The following DVL3 variants were observed in gnomAD, a reference collection of about 807,000 sequenced individuals.
DVL3 encodes dishevelled segment polarity protein 3.
A neutral mutation model predicts 67.4 loss-of-function variants in DVL3; 27 were observed. That is an observed-to-expected ratio of 0.40 (90% CI 0.30 to 0.55). The LOEUF is 0.55. DVL3 is among the 20% of genes least tolerant of loss of function. The probability of loss-of-function intolerance (pLI) is 0.46; values close to 1 mark genes in which losing one functional copy is unlikely to be tolerated. For synonymous variants in DVL3, 369 were observed against 396.8 expected (o/e 0.93, Z 0.83); for missense variants, 819 against 1,021.5 (o/e 0.80, Z 2.70).
rs762740960 is a variant in DVL3, at chr3:184,164,943, G to A, written c.599+12G>A. 3.1e-6 allele frequency: 5 copies of A among 1,613,984 alleles called. No homozygotes were observed. The East Asian group carries it at 6.7e-5, about 22-fold the overall frequency. ...GACTCCACCAGCAGGTGGGGCTTGAGTTTCATGGGTATTGTGGGGCAGGTG... is the reference window on the plus strand; with the variant it reads ...GACTCCACCAGCAGGTGGGGCTTGAATTTCATGGGTATTGTGGGGCAGGTG... On this transcript the variant is annotated intron_variant, in intron 5 of 14. Transcript: ENST00000313143. The surrounding 1 kb of genome is among the most constrained non-coding windows in gnomAD (Gnocchi z 5.3).
chr3:184,172,576 A>G lies in DVL3; in HGVS notation c.*1821A>G, dbSNP rs914856800. ...TAGCAAAACCCTGTCTCTACTAAAA[A>G]TACAAAAATTAGATGGGTGTTTTGG... On this transcript the variant is annotated 3_prime_UTR_variant, in exon 15 of 15. Coordinates refer to ENST00000313143, the MANE Select transcript of DVL3 (RefSeq NM_004423.4). 1.3e-5 allele frequency: 2 copies of G among 152,180 alleles called. No individual in the cohort carries two copies. The highest frequency in any genetic ancestry group is 2.4e-5 in the African/African-American group (1 of 41,430). 9.4% of individuals were successfully genotyped at this position (152,180 alleles called of 1,614,324 possible). A position where few individuals can be genotyped will look rare whatever the true frequency, so the allele number is the denominator to read the frequency against.
In DVL3 at chr3:184,164,407, T is replaced by C. The variant is rs754780569; in HGVS notation, c.353+19T>C. The C allele has an allele frequency of 5.0e-5, 80 of 1,610,922 alleles. No homozygotes were observed. The highest frequency in any genetic ancestry group is 6.3e-5 in the Non-Finnish European group (74 of 1,178,514). The stretch of plus-strand genomic sequence containing the variant: ...CCTTCCAGTGAGTGTGACCTGAGGG[T>C]GGGGAGGGCCGCATCAGTTCAGCCC... On this transcript the variant is annotated intron_variant, in intron 3 of 14. Transcript: ENST00000313143. This position sits in a 1 kb window ranked among gnomAD's most constrained non-coding sequence, Gnocchi z 5.3.
rs1424033064 is a variant in DVL3, at chr3:184,165,327, T to C, written c.694-95T>C. 2 of 1,544,464 alleles carry C rather than the reference T, an allele frequency of 1.3e-6. No homozygotes were observed. The highest frequency in any genetic ancestry group is 1.8e-6 in the Non-Finnish European group (2 of 1,126,172). On this transcript the variant is annotated intron_variant, in intron 6 of 14. Transcript: ENST00000313143. This position sits in a 1 kb window ranked among gnomAD's most constrained non-coding sequence, Gnocchi z 4.1. ...AGTGCAGTGTTGAGAACCTTGGGGC[T>C]GGGGGCTGCACCGGGGACTCACCTT...
chr3:184,170,073 C>T lies in DVL3; in HGVS notation c.1566C>T (p.Ala522=), dbSNP rs139681555. Residue 522 remains alanine, a synonymous_variant, in exon 14 of 15, where the codon GCC becomes GCT. Coordinates refer to ENST00000313143, the MANE Select transcript of DVL3 (RefSeq NM_004423.4). The surrounding 1 kb of genome is among the most constrained non-coding windows in gnomAD (Gnocchi z 6.5). ...SSGASDQDTL[A]PLPHPGAAPW... ...GCGCCTCTGACCAGGACACACTGGC[C>T]CCTTTGCCGCACCCGGGGGCCGCCC... 2 of 1,613,832 alleles carry T rather than the reference C, an allele frequency of 1.2e-6. No homozygotes were observed. Among genetic ancestry groups the T allele is most frequent in the African/African-American group, 2.7e-5 (2 of 74,926 alleles).
rs969610181 is a variant in DVL3, at chr3:184,167,569, C to T, written c.1199-11C>T. On this transcript the variant is annotated splice_polypyrimidine_tract_variant and intron_variant, in intron 11 of 14. Coordinates refer to ENST00000313143, the MANE Select transcript of DVL3 (RefSeq NM_004423.4). The surrounding 1 kb of genome is among the most constrained non-coding windows in gnomAD (Gnocchi z 4.6). ...CCCTTTCTGCCTCACCATTCTGCCT[C>T]CCACCCCCAGGCCTAGACGACTTCC... The T allele has an allele frequency of 1.9e-6, 3 of 1,612,578 alleles. No homozygotes were observed. Among genetic ancestry groups the T allele is most frequent in the East Asian group, 2.2e-5 (1 of 44,876 alleles).
Position 184,166,558 on chromosome 3 carries a change from G to A in DVL3, c.980+36G>A. On this transcript the variant is annotated intron_variant, in intron 9 of 14. Coordinates refer to ENST00000313143, the MANE Select transcript of DVL3 (RefSeq NM_004423.4). The surrounding 1 kb of genome is among the most constrained non-coding windows in gnomAD (Gnocchi z 6.7). ...AATGGGGCACTGGGCAAGGGGCTTG[G>A]TCTGGCCTATACGCATCCTGCCTTC... 1 of 1,614,160 alleles carries A rather than the reference G, an allele frequency of 6.2e-7. No homozygotes were observed. Among genetic ancestry groups the A allele is most frequent in the Non-Finnish European group, 8.5e-7 (1 of 1,180,018 alleles).
chr3:184,170,040 C>T lies in DVL3; in HGVS notation c.1533C>T (p.Gly511=), dbSNP rs758649468. ...MANLSLHDHD[G]SSGASDQDTL... The stretch of plus-strand genomic sequence containing the variant: ...ACCTGTCTCTCCACGATCACGATGG[C>T]TCCAGTGGCGCCTCTGACCAGGACA... Residue 511 remains glycine (G), a synonymous_variant, in exon 14 of 15, where the codon GGC becomes GGT. Coordinates refer to ENST00000313143, the MANE Select transcript of DVL3 (RefSeq NM_004423.4). The surrounding 1 kb of genome is among the most constrained non-coding windows in gnomAD (Gnocchi z 6.5). 1.9e-6 allele frequency: 3 copies of T among 1,612,678 alleles called. No homozygotes were observed. The Admixed American group carries it at 5.0e-5, about 27-fold the overall frequency.
chr3:184,171,570 A>C lies in DVL3; in HGVS notation c.*815A>C, dbSNP rs992901565. 4.0e-5 allele frequency: 39 copies of C among 985,992 alleles called. No individual in the cohort carries two copies. The African/African-American group carries it at 6.8e-4, about 17-fold the overall frequency. 61.1% of individuals were successfully genotyped at this position (985,992 alleles called of 1,614,324 possible). On this transcript the variant is annotated 3_prime_UTR_variant, in exon 15 of 15. Transcript: ENST00000313143. ...ATTTACCCTGGGCCTGGAGCAGCCA[A>C]GAATTTCGGGCTGTTTGACTTTCTG...
Position 184,170,782 on chromosome 3 carries a change from C to G in DVL3, c.*27C>G. 6.2e-7 allele frequency: 1 copy of G among 1,610,810 alleles called. No individual in the cohort carries two copies. The highest frequency in any genetic ancestry group is 8.5e-7 in the Non-Finnish European group (1 of 1,179,002). ...CAGGGCCCCTCCCCCAGCTCCATTCCGCTCCCACCCCAGCCGGCTGCGTTC... is the reference window on the plus strand; with the variant it reads ...CAGGGCCCCTCCCCCAGCTCCATTCGGCTCCCACCCCAGCCGGCTGCGTTC... On this transcript the variant is annotated 3_prime_UTR_variant, in exon 15 of 15. Transcript: ENST00000313143. The surrounding 1 kb of genome is among the most constrained non-coding windows in gnomAD (Gnocchi z 6.5).
chr3:184,169,469 CAG>C (rs1001951308), intron 13 of DVL3, among the ~76,000 whole-genome samples: 9 of 152,060 alleles, frequency 5.9e-5, no homozygotes, highest in African/African-American at 2.2e-4. Context: ...CTGAGGCGGG[CAG>C]ACCACCTGAG....
intron 1 of DVL3, chr3:184,156,506 C>T: frequency 2.2e-6 from 1 of 456,546 alleles, no homozygotes; most frequent in South Asian, 1.5e-5. Context: ...AGTGGAGAGA[C>T]GTTAGGAAGG....
Position 184,166,680 on chromosome 3 carries a change from G to C in DVL3, c.1048+7G>C. On this transcript the variant is annotated splice_region_variant and intron_variant, in intron 10 of 14. Transcript: ENST00000313143. The surrounding 1 kb of genome is among the most constrained non-coding windows in gnomAD (Gnocchi z 6.7). ...TGCTTCACATTGCCCAGGAGTAAGT[G>C]GATGGGAGACTCAGTCCTAAAGCTG... is the stretch of plus-strand genomic sequence containing the variant. 1.2e-6 allele frequency: 2 copies of C among 1,613,886 alleles called. No individual in the cohort carries two copies. The highest frequency in any genetic ancestry group is 3.3e-5 in the Admixed American group (2 of 59,956).
In DVL3 at chr3:184,164,749, C is replaced by T. The variant is rs761745883; in HGVS notation, c.464-47C>T. On this transcript the variant is annotated intron_variant, in intron 4 of 14. Coordinates refer to ENST00000313143, the MANE Select transcript of DVL3 (RefSeq NM_004423.4). The surrounding 1 kb of genome is among the most constrained non-coding windows in gnomAD (Gnocchi z 5.3). ...TGGCTTGCCTCTCTCCCTCCTTCAC[C>T]CCTGCACTGGGCACTGTGTAAACCC... The T allele has an allele frequency of 6.2e-7, 1 of 1,613,332 alleles. No individual in the cohort carries two copies. Among genetic ancestry groups the T allele is most frequent in the South Asian group, 1.1e-5 (1 of 90,952 alleles).
intron 1 of DVL3, among the ~76,000 whole-genome samples, chr3:184,158,202 G>T (rs915846902): frequency 3.3e-5 from 5 of 152,082 alleles, no homozygotes; most frequent in African/African-American, 1.2e-4. Context: ...CAGGCATGAT[G>T]CTTTGTGCCT....
Position 184,171,734 on chromosome 3 carries a change from C to G in DVL3, c.*979C>G, listed in dbSNP as rs764071964. On this transcript the variant is annotated 3_prime_UTR_variant, in exon 15 of 15. Transcript: ENST00000313143. ...GAGTCACTAGGCTTCTGGGGAGGGC[C>G]CAACTTCACCCATGCATGAGAGACT... 2 of 329,716 alleles carry G rather than the reference C, an allele frequency of 6.1e-6. No homozygotes were observed. Among genetic ancestry groups the G allele is most frequent in the Middle Eastern group, 2.5e-3 (2 of 792 alleles). 20.4% of individuals were successfully genotyped at this position (329,716 alleles called of 1,614,324 possible).
Position 184,170,326 on chromosome 3 carries a change from G to C in DVL3, c.1722G>C (p.Arg574=), listed in dbSNP as rs759717604. 1 of 1,601,584 alleles carries C rather than the reference G, an allele frequency of 6.2e-7. No individual in the cohort carries two copies. ...SASSQHSEGS[R]SSGSNRSGSD... Reference sequence around the variant, plus strand: ...CCTGTTTGCCTCCTACAGGCAGTCGGAGCAGTGGCTCCAACCGTAGCGGCA... The same window carrying C: ...CCTGTTTGCCTCCTACAGGCAGTCGCAGCAGTGGCTCCAACCGTAGCGGCA... The change falls in exon 15 of 15, where the codon CGG becomes CGC. Residue 574 remains arginine (R), a synonymous_variant. Transcript: ENST00000313143. This position sits in a 1 kb window ranked among gnomAD's most constrained non-coding sequence, Gnocchi z 6.5.
Position 184,170,612 on chromosome 3 carries a change from C to T in DVL3, c.2008C>T (p.Pro670Ser), listed in dbSNP as rs866105895. 5.0e-6 allele frequency: 8 copies of T among 1,604,370 alleles called. No individual in the cohort carries two copies. Among genetic ancestry groups the T allele is most frequent in the Non-Finnish European group, 6.0e-6 (7 of 1,174,336 alleles). Residue 670 changes from proline to serine, a missense_variant, in exon 15 of 15, where the codon CCC (proline) becomes TCC (serine). This residue lies in a region of DVL3 where 324 missense variants were observed against 331.3 expected (regional missense o/e 0.98). Coordinates refer to ENST00000313143, the MANE Select transcript of DVL3 (RefSeq NM_004423.4). The surrounding 1 kb of genome is among the most constrained non-coding windows in gnomAD (Gnocchi z 6.5). ...CTACGGCCCCCCCATGCTGATGATG[C>T]CCCCGCCGCCCGCGGCCATGGGGCC... is the stretch of plus-strand genomic sequence containing the variant. ...PLYGPPMLMMPPPPAAMGPPG... is the reference protein window; with the variant it reads ...PLYGPPMLMMSPPPAAMGPPG...
rs1426002684 is a variant in DVL3 at position 184,166,213 on chromosome 3, G to A, written c.851G>A (p.Gly284Asp). 1.2e-6 allele frequency: 2 copies of A among 1,613,432 alleles called. No homozygotes were observed. Among genetic ancestry groups the A allele is most frequent in the South Asian group, 1.1e-5 (1 of 91,036 alleles). The stretch of plus-strand genomic sequence containing the variant: ...ATCTACATTGGCTCTATCATGAAGG[G>A]TGGGGCCGTGGCTGCTGATGGACGC... Reference protein sequence around the residue: ...GGIYIGSIMKGGAVAADGRIE... With the variant: ...GGIYIGSIMKDGAVAADGRIE... The change falls in exon 8 of 15, where the codon GGT becomes GAT. Residue 284 changes from glycine to aspartate, a missense_variant. By Grantham distance (94) the Gly-to-Asp change is moderately conservative (BLOSUM62 -1). Around this residue, in one of 3 missense-constraint regions of DVL3, gnomAD observed 385 missense variants for 486.8 expected, o/e 0.79. Transcript: ENST00000313143. This position sits in a 1 kb window ranked among gnomAD's most constrained non-coding sequence, Gnocchi z 6.7.
Position 184,164,961 on chromosome 3 carries a change from G to A in DVL3, c.599+30G>A, listed in dbSNP as rs764200445. The A allele has an allele frequency of 1.9e-6, 3 of 1,613,752 alleles. No individual in the cohort carries two copies. The highest frequency in any genetic ancestry group is 1.3e-5 in the African/African-American group (1 of 74,930). ...GGCTTGAGTTTCATGGGTATTGTGG[G>A]GCAGGTGACCCTGGAGGAGCCCTAA... On this transcript the variant is annotated intron_variant, in intron 5 of 14. Transcript: ENST00000313143. The surrounding 1 kb of genome is among the most constrained non-coding windows in gnomAD (Gnocchi z 5.3).
Sources: allele counts gnomAD v4.1 joint callset (sites outside exome capture counted in the v4.1 genomes callset), GRCh38; gene constraint gnomAD v4.1.1; regional missense constraint gnomAD v4.1.1; non-coding constraint Gnocchi (gnomAD v3.1); transcripts MANE v1.5; gene names NCBI Gene and HGNC (gene_info 2026-07-23, HGNC 2026-07-21).